The following CA4 variants were observed in gnomAD, a reference collection of about 807,000 sequenced individuals.
The protein encoded by CA4 is CA-IV.
A neutral mutation model predicts 34.5 loss-of-function variants in CA4; 24 were observed. The ratio of observed to expected loss-of-function variants is 0.70; its 90% confidence interval spans 0.50 to 0.98. The LOEUF (loss-of-function observed/expected upper bound fraction) is 0.98. Ranked by LOEUF, CA4 falls within the 50% of genes least tolerant of loss-of-function variation. CA4 has a pLI of 0.00. For synonymous variants in CA4, 178 were observed against 170.6 expected (o/e 1.04, Z -0.34); for missense variants, 394 against 396.7 (o/e 0.99, Z 0.06).
chr17:60,163,284 C>T (rs988493381), downstream of CA4, among the ~76,000 whole-genome samples: 3 of 152,112 alleles, frequency 2.0e-5, no homozygotes, highest in Non-Finnish European at 4.4e-5. Flanking sequence ...GCCTTGTGAA[C>T]GGTGCCCCCA....
At chr17:60,158,621 T>C in intron 7 of CA4, 175 bp downstream of exon 7, 1 of 663,600 alleles carries the variant, frequency 1.5e-6, no homozygotes, top group South Asian at 1.8e-5. Context: ...AGCTGTTCCA[T>C]CACCAGATTG....
intron 1 of CA4, among the ~76,000 whole-genome samples, chr17:60,154,907 G>A (rs539414879): frequency 3.3e-5 from 5 of 152,342 alleles, no homozygotes; most frequent in East Asian, 1.9e-4. Flanking sequence ...TCCCAGGAGC[G>A]GAGGCTGGGC....
chr17:60,159,754 C>G (rs538391646), downstream of CA4, among the ~76,000 whole-genome samples: 1 of 152,296 alleles, frequency 6.6e-6, no homozygotes, highest in East Asian at 1.9e-4. Flanking sequence ...TGGAGAGATG[C>G]TGAAGGCATC....
At chr17:60,171,754 C>T (rs2083912820), downstream of CA4, among the ~76,000 whole-genome samples, 1 of 152,202 alleles carries the variant, frequency 6.6e-6, no homozygotes. Context: ...GCTATGGGTC[C>T]TTCAGGTAAA....
intron 4 of CA4, 33 bp from the exon 5 acceptor site, chr17:60,157,657 T>C (rs752290562): frequency 1.9e-6 from 3 of 1,612,184 alleles, no homozygotes; most frequent in Middle Eastern, 1.6e-4. Context: ...AGGCCCTTCA[T>C]AGGTCCCCTT....
chr17:60,157,634 A>G (rs1414111234), intron 4 of CA4, 56 bp from the exon 5 acceptor site: 1 of 1,613,282 alleles, frequency 6.2e-7, no homozygotes, highest in Non-Finnish European at 8.5e-7. Context: ...GCCTTGGGCA[A>G]GGAGGGTAGT....
Position 60,150,004 on chromosome 17 carries a change from C to G in CA4, c.-31C>G, listed in dbSNP as rs763463049. ...GGCGGCCTCCTCGGTGCGCGACCCC[C>G]GGCTCAGAGGACTCTTTGCTGTCCC... On this transcript the variant is annotated 5_prime_UTR_variant, in exon 1 of 8. Transcript: ENST00000300900. The G allele has an allele frequency of 1.3e-6, 2 of 1,587,454 alleles. No homozygotes were observed. Among genetic ancestry groups the G allele is most frequent in the South Asian group, 1.1e-5 (1 of 90,118 alleles).
chr17:60,164,341 TC>T (rs2083832706), downstream of CA4, among the ~76,000 whole-genome samples: 1 of 148,412 alleles, frequency 6.7e-6, no homozygotes, highest in Non-Finnish European at 1.5e-5. Flanking sequence ...CCTTCCCTCC[TC>T]CCCTCCCTCC....
chr17:60,160,373 TCCTGGAG>T (rs2083772011), downstream of CA4, among the ~76,000 whole-genome samples: 1 of 152,204 alleles, frequency 6.6e-6, no homozygotes, highest in Non-Finnish European at 1.5e-5. Context: ...ATGCCTGCCC[TCCTGGAG>T]TTCACAGTCT....
intron 1 of CA4, among the ~76,000 whole-genome samples, chr17:60,153,823 G>T (rs1010532948): frequency 6.6e-6 from 1 of 152,216 alleles, no homozygotes; most frequent in South Asian, 2.1e-4. Context: ...CCCAGGGACA[G>T]CAGAGCCCTG....
chr17:60,155,011 G>A lies in CA4; in HGVS notation c.59-303G>A, dbSNP rs1029065495. Among the ~76,000 whole-genome samples, 3 of 152,200 alleles carry A rather than the reference G, an allele frequency of 2.0e-5. No individual in the cohort carries two copies. The East Asian group carries it at 5.8e-4, about 29-fold the overall frequency. ...AGGCTGCTGGTGACCAAAGGATGGA[G>A]TATCCAAGCCAGCCCCATGTTAGAG... On this transcript the variant is annotated intron_variant, in intron 1 of 7. Transcript: ENST00000300900.
At chr17:60,154,434 G>A (rs2083644763) in intron 1 of CA4, among the ~76,000 whole-genome samples, 1 of 152,162 alleles carries the variant, frequency 6.6e-6, no homozygotes. Flanking sequence ...CCCCCTGAGC[G>A]GCTCAGCCAG....
downstream of CA4, among the ~76,000 whole-genome samples, chr17:60,171,067 G>C (rs2083907091): frequency 6.6e-6 from 1 of 152,226 alleles, no homozygotes; most frequent in South Asian, 2.1e-4. Flanking sequence ...GCTGTGGTGA[G>C]CATTTACGAA....
chr17:60,158,006 G>C, intron 5 of CA4, 55 bp from the exon 6 acceptor site: 2 of 1,602,016 alleles, frequency 1.2e-6, no homozygotes, highest in Non-Finnish European at 1.7e-6. Flanking sequence ...GAATGAACTG[G>C]CCACCACCAC....
chr17:60,156,476 G>A (rs1048573270), intron 2 of CA4, 84 bp from the exon 3 acceptor site: 17 of 1,361,632 alleles, frequency 1.2e-5, no homozygotes, highest in Non-Finnish European at 1.7e-5. Context: ...AACTGAGTGG[G>A]TGGGCCTGAC....
chr17:60,155,386 G>A lies in CA4; in HGVS notation c.112+19G>A, dbSNP rs1161781397. On this transcript the variant is annotated intron_variant, in intron 2 of 7. Transcript: ENST00000300900. ...TGCTTGGGTGAGTACAGCCAGTCCA[G>A]GGGACTGCTCTTTGTGCATGGTGGG... is the stretch of plus-strand genomic sequence containing the variant. 2 of 1,594,598 alleles carry A rather than the reference G, an allele frequency of 1.3e-6. No individual in the cohort carries two copies. The highest frequency in any genetic ancestry group is 1.7e-6 in the Non-Finnish European group (2 of 1,169,276).
At chr17:60,167,976 A>G (rs1448953977) in intron 5 of CA4, among the ~76,000 whole-genome samples, 2 of 152,082 alleles carry the variant, frequency 1.3e-5, no homozygotes, top group African/African-American at 4.8e-5. Context: ...GCCTGGGTCT[A>G]CTGCCTCAGT....
chr17:60,160,708 A>G (rs1302934309), downstream of CA4, among the ~76,000 whole-genome samples: 3 of 144,606 alleles, frequency 2.1e-5, no homozygotes, highest in Admixed American at 7.2e-5. Flanking sequence ...CCAAGATTGA[A>G]CCACTGCACT....
At chr17:60,158,601 G>T (rs2083739402) in intron 7 of CA4, 155 bp downstream of exon 7, 5 of 744,380 alleles carry the variant, frequency 6.7e-6, no homozygotes, top group Non-Finnish European at 1.1e-5. Context: ...AGACAGGCAA[G>T]AAAAGCCTGA....
Sources: gnomAD v4.1 joint callset for allele counts (sites outside exome capture counted in the v4.1 genomes callset) on GRCh38, gnomAD v4.1.1 for gene constraint, MANE v1.5 for transcripts, NCBI Gene and HGNC (gene_info 2026-07-23, HGNC 2026-07-21) for gene names.